CFAP54: variants seen among roughly 807,000 people sequenced by gnomAD.
CFAP54 encodes the protein cilia- and flagella-associated protein 54.
In CFAP54, 290 loss-of-function variants were observed where a neutral mutation model predicts 370.4. That is an observed-to-expected ratio of 0.78 (90% confidence interval 0.71 to 0.86). The LOEUF (loss-of-function observed/expected upper bound fraction) is 0.86. Among genes scored for constraint, CFAP54 ranks in the 40% least tolerant of loss-of-function variants. The pLI is 0.00. For missense variants in CFAP54, 3,399 were observed against 3,528.7 expected, an observed-to-expected ratio of 0.96 and a Z score of 0.93; for synonymous variants, 1,206 against 1,236.5, an observed-to-expected ratio of 0.98 and a Z score of 0.52.
intron 15 of CFAP54, among the ~76,000 whole-genome samples, chr12:96,549,518 A>G (rs1003674962): frequency 6.6e-6 from 1 of 152,222 alleles, no homozygotes; most frequent in East Asian, 1.9e-4. Flanking sequence ...GTTATGCAAT[A>G]CACAATCTGC....
intron 13 of CFAP54, 102 bp from the exon 14 acceptor site, chr12:96,540,735 A>AATC: frequency 1.2e-5 from 8 of 640,826 alleles, no homozygotes; most frequent in Non-Finnish European, 1.8e-5. Flanking sequence ...CCATATGATT[A>AATC]GAAGATGGTT....
chr12:96,558,589 C>T (rs1190108662), intron 17 of CFAP54, among the ~76,000 whole-genome samples: 3 of 152,120 alleles, frequency 2.0e-5, no homozygotes, highest in Non-Finnish European at 4.4e-5. Flanking sequence ...CAAATTCACA[C>T]ACCTACAGTG....
At chr12:96,531,356 C>T (rs894883972) in intron 9 of CFAP54, among the ~76,000 whole-genome samples, 1 of 151,812 alleles carries the variant, frequency 6.6e-6, no homozygotes, top group Non-Finnish European at 1.5e-5. Context: ...TTTTCTCTTT[C>T]TTATGACATT....
chr12:96,783,612 C>T (rs1221787602), intron 60 of CFAP54, among the ~76,000 whole-genome samples: 3 of 152,186 alleles, frequency 2.0e-5, no homozygotes, highest in Admixed American at 6.5e-5. Flanking sequence ...AGAGGTCGGG[C>T]GCAGTGGCCC....
At chr12:96,531,576 T>C (rs1359933807) in intron 9 of CFAP54, among the ~76,000 whole-genome samples, 1 of 152,180 alleles carries the variant, frequency 6.6e-6, no homozygotes, top group Non-Finnish European at 1.5e-5. Context: ...TTTATTTTAT[T>C]CTTTTCATGT....
At chr12:96,829,446 C>T (rs1291149128) in intron 66 of CFAP54, among the ~76,000 whole-genome samples, 1 of 151,978 alleles carries the variant, frequency 6.6e-6, no homozygotes, top group Non-Finnish European at 1.5e-5. Flanking sequence ...TGCATTCTGT[C>T]ACTTGCTTTT....
rs1956836628 is a variant in CFAP54, at chr12:96,649,695, C to T, written c.4691-196C>T. ...ATTTCCCCATATAGCTAAATGATGCCCATTCTTTAAGACCCAAATACCTCC... is the reference window on the plus strand; with the variant it reads ...ATTTCCCCATATAGCTAAATGATGCTCATTCTTTAAGACCCAAATACCTCC... On this transcript the variant is annotated intron_variant, in intron 34 of 67. Coordinates refer to ENST00000524981, the MANE Select transcript of CFAP54 (RefSeq NM_001306084.2). 3.9e-5 allele frequency among the ~76,000 whole-genome samples: 6 copies of T among 152,158 alleles called. No homozygotes were observed. In the South Asian group the frequency reaches 1.2e-3, roughly 32 times the overall value.
intron 26 of CFAP54, among the ~76,000 whole-genome samples, chr12:96,601,502 A>G (rs978293834): frequency 1.3e-5 from 2 of 152,052 alleles, no homozygotes; most frequent in African/African-American, 2.4e-5. Flanking sequence ...CTCTTTTTCT[A>G]TTGATTGGAA....
intron 1 of CFAP54, among the ~76,000 whole-genome samples, chr12:96,495,248 CCTTCCTT>C (rs1954936952): frequency 4.2e-4 from 14 of 33,634 alleles, no homozygotes; most frequent in African/African-American, 1.3e-3. Context: ...CTCCTTCCTT[CCTTCCTT>C]CCTTCCTTCC....
At chr12:96,682,393 G>C in intron 40 of CFAP54, 1 of 818,052 alleles carries the variant, frequency 1.2e-6, no homozygotes, top group Non-Finnish European at 1.5e-6. Context: ...TTTGAGACGA[G>C]GTCTCATTTT....
chr12:96,640,769 C>T (rs1259681805), intron 32 of CFAP54, among the ~76,000 whole-genome samples: 1 of 152,104 alleles, frequency 6.6e-6, no homozygotes, highest in African/African-American at 2.4e-5. Context: ...AGAAATAATG[C>T]CACATATCTA....
In CFAP54 at chr12:96,743,867, A is replaced by C. The variant is rs1329846531; in HGVS notation, c.7514A>C (p.Lys2505Thr). The change falls in exon 54 of 68, where the codon AAA (lysine) becomes ACA (threonine). Residue 2505 changes from lysine to threonine, a missense_variant. Physicochemically the swap from Lys to Thr is moderately conservative, Grantham distance 78. Around this residue, in one of 3 missense-constraint regions of CFAP54, gnomAD observed 2,796 missense variants for 2,869.7 expected, o/e 0.97. Transcript: ENST00000524981. ...FKESPSSKTG[K>T]LNLLTRAHSI... ...GAATCTCCCTCTTCAAAAACAGGAA[A>C]ATTAAATTTGTTAACTCGGGCTCAT... 1 of 1,613,646 alleles carries C rather than the reference A, an allele frequency of 6.2e-7. No homozygotes were observed. Among genetic ancestry groups the C allele is most frequent in the Non-Finnish European group, 8.5e-7 (1 of 1,179,898 alleles).
chr12:96,866,503 A>T (rs1004508090), intron 67 of CFAP54, among the ~76,000 whole-genome samples: 1 of 152,184 alleles, frequency 6.6e-6, no homozygotes, highest in African/African-American at 2.4e-5. Flanking sequence ...TTTGTATTTA[A>T]CAGCTTAGAA....
chr12:96,650,955 T>A (rs1353119617), intron 35 of CFAP54, among the ~76,000 whole-genome samples: 1 of 152,178 alleles, frequency 6.6e-6, no homozygotes, highest in Non-Finnish European at 1.5e-5. Flanking sequence ...AAGCACTTAG[T>A]TTGTTCCATC....
At chr12:96,836,406 A>G (rs1052647185) in intron 66 of CFAP54, among the ~76,000 whole-genome samples, 2 of 152,132 alleles carry the variant, frequency 1.3e-5, no homozygotes, top group East Asian at 1.9e-4. Flanking sequence ...CTTTAACTAC[A>G]CTTAGCTTTC....
chr12:96,748,412 G>T (rs557475407), intron 55 of CFAP54, among the ~76,000 whole-genome samples: 2 of 152,060 alleles, frequency 1.3e-5, no homozygotes, highest in South Asian at 4.2e-4. Flanking sequence ...CACTGAGAAA[G>T]TGCTGCTGTT....
chr12:96,562,669 G>T (rs954747741), intron 17 of CFAP54, among the ~76,000 whole-genome samples: 5 of 151,896 alleles, frequency 3.3e-5, no homozygotes, highest in African/African-American at 1.2e-4. Flanking sequence ...GACCTCAAAC[G>T]ATCTGCCCAC....
chr12:96,632,472 C>T (rs1178848055), intron 32 of CFAP54, among the ~76,000 whole-genome samples: 1 of 151,838 alleles, frequency 6.6e-6, no homozygotes, highest in Non-Finnish European at 1.5e-5. Flanking sequence ...AGTTTTGTTG[C>T]AGGTATTCAG....
rs962221786 is a variant in CFAP54 at position 96,644,047 on chromosome 12, T to C, written c.4317-131T>C. The stretch of plus-strand genomic sequence containing the variant: ...TTTCTAGCACTGCAGAAATGATAAA[T>C]AAGCCAGAAACATTAGCATAAGGGC... On this transcript the variant is annotated intron_variant, in intron 32 of 67. Transcript: ENST00000524981. 7.5e-6 allele frequency: 5 copies of C among 670,374 alleles called. No homozygotes were observed. The Admixed American group carries it at 1.5e-4, about 20-fold the overall frequency. The allele number at this position is 670,374 out of a possible 1,614,324, so 41.5% of individuals were successfully genotyped here. A position where few individuals can be genotyped will look rare whatever the true frequency, so the allele number is the denominator to read the frequency against.
Sources: gnomAD v4.1 joint callset for allele counts (sites outside exome capture counted in the v4.1 genomes callset) on GRCh38, gnomAD v4.1.1 for gene constraint, gnomAD v4.1.1 regional missense constraint, MANE v1.5 for transcripts, NCBI Gene and HGNC (gene_info 2026-07-23, HGNC 2026-07-21) for gene names.